The following CSMD1 variants were observed in gnomAD, a reference collection of about 807,000 sequenced individuals.
CSMD1 encodes the protein CUB and Sushi multiple domains 1, also known as CUB and sushi domain-containing protein 1.
Under a neutral mutation model 417.5 loss-of-function variants are expected in CSMD1, and 213 were observed. The observed-to-expected ratio is 0.51, with a 90% CI of 0.46 to 0.57. The LOEUF (loss-of-function observed/expected upper bound fraction) is 0.57, where lower values mean the gene tolerates loss of function less well. CSMD1 is among the 20% of genes least tolerant of loss of function. The probability of loss-of-function intolerance (pLI) is 0.00; values close to 1 mark genes in which losing one functional copy is unlikely to be tolerated. For synonymous variants in CSMD1, 2,862 were observed against 1,736.8 expected (o/e 1.65, Z -16.11); for missense variants, 6,923 against 4,529.7 (o/e 1.53, Z -15.17).
At chr8:4,974,743 T>G (rs13266818) in intron 1 of CSMD1, among the ~76,000 whole-genome samples, 2 of 151,930 alleles carry the variant, frequency 1.3e-5, no homozygotes, top group Non-Finnish European at 2.9e-5. Context: ...CAATCCACAA[T>G]ATCTGACTAG....
intron 5 of CSMD1, among the ~76,000 whole-genome samples, chr8:3,986,977 A>G (rs1030974271): frequency 6.6e-6 from 1 of 152,096 alleles, no homozygotes; most frequent in East Asian, 1.9e-4. Context: ...CTGTTCTTGA[A>G]CTACTGACAT....
intron 2 of CSMD1, among the ~76,000 whole-genome samples, chr8:4,447,263 T>C (rs933398627): frequency 4.6e-5 from 7 of 152,162 alleles, no homozygotes; most frequent in Admixed American, 1.3e-4. Flanking sequence ...GCAGGTTAGA[T>C]ACAACTAAAG....
intron 3 of CSMD1, among the ~76,000 whole-genome samples, chr8:4,409,407 A>T (rs1421372397): frequency 6.6e-6 from 1 of 152,120 alleles, no homozygotes; most frequent in African/African-American, 2.4e-5. Context: ...AGTGATTTTC[A>T]CCCCATATTC....
At chr8:3,489,755 G>C (rs990181214) in intron 11 of CSMD1, among the ~76,000 whole-genome samples, 2 of 152,112 alleles carry the variant, frequency 1.3e-5, no homozygotes, top group African/African-American at 4.8e-5. Flanking sequence ...ACCGTATTTA[G>C]GGTGAGCTAT....
chr8:4,292,371 G>C (rs1797419222), intron 3 of CSMD1, among the ~76,000 whole-genome samples: 1 of 152,004 alleles, frequency 6.6e-6, no homozygotes. Flanking sequence ...TCCTGCCTCA[G>C]CCTCCAGAGT....
In CSMD1 at chr8:3,514,775, G is replaced by A. The variant is rs74989024; in HGVS notation, c.1345-21049C>T. On this transcript the variant is annotated intron_variant, in intron 10 of 69. Transcript: ENST00000635120. ...TGCCTTCATAATTTATACTGCACAT[G>A]ATCCTTTAGTGATTAAACTGTAACT... Among the ~76,000 whole-genome samples, 869 of 152,090 alleles carry A rather than the reference G, an allele frequency of 5.7e-3. 21 individuals are homozygous for A. The East Asian group carries it at 0.081, about 14-fold the overall frequency.
intron 3 of CSMD1, among the ~76,000 whole-genome samples, chr8:4,335,014 G>C (rs1023513417): frequency 1.3e-5 from 2 of 152,014 alleles, no homozygotes; most frequent in African/African-American, 4.8e-5. Context: ...AAGTGATCTT[G>C]TTTTAGCCTC....
At chr8:4,569,222 C>T (rs545603851) in intron 2 of CSMD1, among the ~76,000 whole-genome samples, 61 of 152,248 alleles carry the variant, frequency 4.0e-4, no homozygotes, top group Non-Finnish European at 7.2e-4. Flanking sequence ...TTTGCCCATG[C>T]CTATGTCCTG....
At chr8:4,390,663 C>T (rs920038393) in intron 3 of CSMD1, among the ~76,000 whole-genome samples, 1 of 151,682 alleles carries the variant, frequency 6.6e-6, no homozygotes, top group East Asian at 1.9e-4. Flanking sequence ...ACAGGCACCC[C>T]CCACCACGCC....
intron 1 of CSMD1, among the ~76,000 whole-genome samples, chr8:4,649,177 A>G (rs1803726145): frequency 6.6e-6 from 1 of 152,166 alleles, no homozygotes. Flanking sequence ...GAAGGCAGAT[A>G]CCTTTATTAT....
At chr8:3,468,662 C>T (rs1185788266) in intron 12 of CSMD1, 50 bp downstream of exon 12, 2 of 1,177,992 alleles carry the variant, frequency 1.7e-6, no homozygotes, top group Non-Finnish European at 2.5e-6. Flanking sequence ...GCTCTCTGCC[C>T]TCTCTTGGAA....
At chr8:3,819,806 A>C (rs924799347) in intron 5 of CSMD1, among the ~76,000 whole-genome samples, 4 of 152,112 alleles carry the variant, frequency 2.6e-5, no homozygotes, top group Non-Finnish European at 4.4e-5. Context: ...TGGCCTCCCA[A>C]AGTACTGAGA....
chr8:4,384,392 A>C lies in CSMD1; in HGVS notation c.415+35561T>G, dbSNP rs571959674. Among the ~76,000 whole-genome samples, 326 of 152,322 alleles carry C rather than the reference A, an allele frequency of 2.1e-3. 1 individual carries two copies. Among genetic ancestry groups the C allele is most frequent in the African/African-American group, 7.6e-3 (315 of 41,578 alleles). ...TCACTATGAAGCTACAAAATATTAA[A>C]TACTTTTGGAAAATATACAACAAAG... On this transcript the variant is annotated intron_variant, in intron 3 of 69. Transcript: ENST00000635120.
rs369315718 is a variant in CSMD1 at position 4,834,760 on chromosome 8, T to C, written c.85+159572A>G. On this transcript the variant is annotated intron_variant, in intron 1 of 69. Transcript: ENST00000635120. ...TCACGACATCAGGAGATCGAGACCA[T>C]CCTGGCTAACACGGTGAAACCCCGT... Among the ~76,000 whole-genome samples the C allele has an allele frequency of 5.7e-3, 856 of 151,150 alleles. 9 individuals are homozygous for C. The highest frequency in any genetic ancestry group is 0.02 in the African/African-American group (817 of 41,218).
intron 5 of CSMD1, among the ~76,000 whole-genome samples, chr8:3,837,338 G>A (rs1802777549): frequency 6.6e-6 from 1 of 152,102 alleles, no homozygotes. Context: ...TTCTACATCA[G>A]AGCCCCAGGC....
chr8:4,955,466 T>C (rs1005888138), intron 1 of CSMD1, among the ~76,000 whole-genome samples: 3 of 151,914 alleles, frequency 2.0e-5, no homozygotes, highest in African/African-American at 4.8e-5. Flanking sequence ...CTTTTTTTTT[T>C]TTATTGTGAG....
At chr8:4,473,824 G>T (rs987094018) in intron 2 of CSMD1, among the ~76,000 whole-genome samples, 6 of 152,092 alleles carry the variant, frequency 3.9e-5, no homozygotes, top group Admixed American at 1.3e-4. Flanking sequence ...AGATAGAATT[G>T]TCAAATAGGA....
At chr8:4,105,771 G>A (rs1171997590) in intron 3 of CSMD1, among the ~76,000 whole-genome samples, 2 of 152,218 alleles carry the variant, frequency 1.3e-5, no homozygotes, top group African/African-American at 2.4e-5. Context: ...TCTCACTGAA[G>A]AGGCTCCTCT....
intron 3 of CSMD1, among the ~76,000 whole-genome samples, chr8:4,162,140 A>C (rs1353127562): frequency 2.6e-5 from 4 of 152,216 alleles, no homozygotes; most frequent in Admixed American, 2.6e-4. Context: ...AAACTAAACC[A>C]GTGCGACATC....
Sources: allele counts gnomAD v4.1 joint callset (sites outside exome capture counted in the v4.1 genomes callset), GRCh38; gene constraint gnomAD v4.1.1; transcripts MANE v1.5; gene names NCBI Gene and HGNC (gene_info 2026-07-23, HGNC 2026-07-21).